Variants in PLA1A observed in about 807,000 individuals in gnomAD.
PLA1A encodes phospholipase A1 member A.
Under a neutral mutation model 49.4 loss-of-function variants are expected in PLA1A, and 47 were observed. The observed-to-expected ratio is 0.95, with a 90% CI of 0.75 to 1.21. The LOEUF is 1.21. PLA1A is among the 50% of genes most tolerant of loss of function. The probability of loss-of-function intolerance (pLI) is 0.00; values close to 1 mark genes in which losing one functional copy is unlikely to be tolerated. For synonymous variants in PLA1A, 224 were observed against 207.9 expected (o/e 1.08, Z -0.67); for missense variants, 561 against 563.9 (o/e 0.99, Z 0.05).
At chr3:119,625,948 C>T (rs547914522) in intron 9 of PLA1A, among the ~76,000 whole-genome samples, 8 of 151,966 alleles carry the variant, frequency 5.3e-5, no homozygotes, top group South Asian at 2.1e-4. Context: ...CACAAGCCAG[C>T]GGGAGACAGA....
intron 1 of PLA1A, chr3:119,600,434 T>C: frequency 1.4e-6 from 1 of 702,750 alleles, no homozygotes; most frequent in East Asian, 2.7e-5. Flanking sequence ...GTTCTCTCAG[T>C]ACCTATGTTT....
intron 4 of PLA1A, among the ~76,000 whole-genome samples, chr3:119,610,313 G>T (rs966149601): frequency 6.6e-6 from 1 of 152,086 alleles, no homozygotes; most frequent in Non-Finnish European, 1.5e-5. Context: ...TTTGGTAGAA[G>T]AATTTCTTTT....
intron 8 of PLA1A, among the ~76,000 whole-genome samples, chr3:119,622,175 A>AAGAAGAAGAAGG (rs1560086961): frequency 1.9e-5 from 2 of 106,902 alleles, no homozygotes; most frequent in Non-Finnish European, 2.2e-5. Flanking sequence ...GAAGAAGAAG[A>AAGAAGAAGAAGG]AGAAGAAGAA....
chr3:119,609,543 C>A lies in PLA1A; in HGVS notation c.529C>A (p.Gln177Lys). 1 of 1,610,528 alleles carries A rather than the reference C, an allele frequency of 6.2e-7. No individual in the cohort carries two copies. Among genetic ancestry groups the A allele is most frequent in the Non-Finnish European group, 8.5e-7 (1 of 1,176,806 alleles). Residue 177 changes from glutamine to lysine, a missense_variant, in exon 4 of 11, where the codon CAG (glutamine) becomes AAG (lysine). Coordinates refer to ENST00000273371, the MANE Select transcript of PLA1A (RefSeq NM_015900.4). ...LGAHVGGMVGQLFGGQLGQIT... is the reference protein window; with the variant it reads ...LGAHVGGMVGKLFGGQLGQIT... The stretch of plus-strand genomic sequence containing the variant: ...GGCCCACGTTGGGGGCATGGTGGGA[C>A]AGCTCTTCGGAGGCCAGCTGGGACA...
chr3:119,609,845 T>G (rs535033350), intron 4 of PLA1A, among the ~76,000 whole-genome samples: 1 of 152,354 alleles, frequency 6.6e-6, no homozygotes, highest in East Asian at 1.9e-4. Context: ...AACTTTTAGA[T>G]TCAGGATTTA....
In PLA1A at chr3:119,616,025, G is replaced by A; in HGVS notation, c.678G>A (p.Arg226=). The A allele has an allele frequency of 6.2e-7, 1 of 1,611,910 alleles. No homozygotes were observed. ...GCCTCCTTTCAGATTTGGGTATTCG[G>A]ATTCCCGTTGGACATGTGGACTACT... ...IHTDTDNLGI[R]IPVGHVDYFV... is the part of the protein sequence containing the mutation. The change falls in exon 6 of 11, where the codon CGG becomes CGA. Residue 226 remains arginine (R), a synonymous_variant. Coordinates refer to ENST00000273371, the MANE Select transcript of PLA1A (RefSeq NM_015900.4).
intron 4 of PLA1A, among the ~76,000 whole-genome samples, chr3:119,610,632 T>TCCTTCAC (rs2082752702): frequency 6.6e-6 from 1 of 152,232 alleles, no homozygotes; most frequent in Non-Finnish European, 1.5e-5. Flanking sequence ...TCTTTTCATG[T>TCCTTCAC]CCTTCACCCT....
chr3:119,598,096 T>C (rs2082565807), intron 1 of PLA1A, 110 bp downstream of exon 1: 1 of 600,724 alleles, frequency 1.7e-6, no homozygotes, highest in South Asian at 2.4e-5. Context: ...GCCTTTTGCC[T>C]CTTCTGAGGT....
chr3:119,623,717 CT>C (rs35309675), intron 8 of PLA1A, among the ~76,000 whole-genome samples: 28,129 of 100,132 alleles, frequency 0.28, 2,316 homozygotes, highest in East Asian at 0.35. Flanking sequence ...TTCTCTCTTT[CT>C]TTTTTTTTTT....
rs150630894 is a variant in PLA1A, at chr3:119,625,408, G to T, written c.1121+176G>T. Among the ~76,000 whole-genome samples, 26 of 152,320 alleles carry T rather than the reference G, an allele frequency of 1.7e-4. No homozygotes were observed. In the East Asian group the frequency reaches 5.0e-3, roughly 29 times the overall value. On this transcript the variant is annotated intron_variant, in intron 9 of 10. Coordinates refer to ENST00000273371, the MANE Select transcript of PLA1A (RefSeq NM_015900.4). ...AGCCACAGACACATGCTGAGGAGCTGTTCAGTAGTGGGTCCAAGTATAGCA... is the reference window on the plus strand; with the variant it reads ...AGCCACAGACACATGCTGAGGAGCTTTTCAGTAGTGGGTCCAAGTATAGCA...
Position 119,629,499 on chromosome 3 carries a change from T to TTA in PLA1A, c.*32_*33insAT. The TTA allele has an allele frequency of 2.2e-6, 1 of 448,578 alleles. No individual in the cohort carries two copies. Among genetic ancestry groups the TTA allele is most frequent in the Non-Finnish European group, 3.4e-6 (1 of 295,390 alleles). 27.8% of individuals were successfully genotyped at this position (448,578 alleles called of 1,614,324 possible). On this transcript the variant is annotated 3_prime_UTR_variant, in exon 11 of 11. Coordinates refer to ENST00000273371, the MANE Select transcript of PLA1A (RefSeq NM_015900.4). ...CCTGGGCAGGACACATCTCCCTGCATTTTTTTTTTTTTTTTGAGAGAGAGG... is the reference window on the plus strand; with the variant it reads ...CCTGGGCAGGACACATCTCCCTGCATTATTTTTTTTTTTTTTTGAGAGAGAGG...
At chr3:119,600,185 G>T (rs185731956) in intron 1 of PLA1A, 32 of 565,028 alleles carry the variant, frequency 5.7e-5, no homozygotes, top group Middle Eastern at 4.7e-4. Context: ...CACAAGGGCA[G>T]TAGCTGACCC....
intron 1 of PLA1A, chr3:119,600,299 GGAGCTTTAGATTGTT>G: frequency 1.5e-6 from 1 of 688,140 alleles, no homozygotes; most frequent in Non-Finnish European, 2.6e-6. Flanking sequence ...CTTGGACTGT[GGAGCTTTAGATTGTT>G]GAGCTCCTTG....
chr3:119,612,257 G>T (rs1387492923), intron 4 of PLA1A, among the ~76,000 whole-genome samples: 2 of 152,122 alleles, frequency 1.3e-5, no homozygotes, highest in Non-Finnish European at 2.9e-5. Flanking sequence ...AACTCTTGTG[G>T]CAGGGTCTGC....
intron 8 of PLA1A, among the ~76,000 whole-genome samples, chr3:119,621,088 T>A (rs1192913465): frequency 6.6e-6 from 1 of 152,162 alleles, no homozygotes; most frequent in Non-Finnish European, 1.5e-5. Context: ...GTGGAGGTGG[T>A]GTTGCCAGGA....
chr3:119,619,862 A>G (rs2082905140), intron 8 of PLA1A, among the ~76,000 whole-genome samples: 1 of 152,208 alleles, frequency 6.6e-6, no homozygotes, highest in Non-Finnish European at 1.5e-5. Flanking sequence ...CTGTCTATCT[A>G]CTGATCGTAT....
intron 5 of PLA1A, among the ~76,000 whole-genome samples, chr3:119,615,046 G>C (rs150012801): frequency 6.6e-6 from 1 of 152,328 alleles, no homozygotes; most frequent in Non-Finnish European, 1.5e-5. Context: ...GGCTGCATGT[G>C]GGGTATGAGG....
chr3:119,602,672 C>G (rs1438079049), intron 1 of PLA1A, among the ~76,000 whole-genome samples: 1 of 152,078 alleles, frequency 6.6e-6, no homozygotes, highest in Non-Finnish European at 1.5e-5. Context: ...AAAATCCCTG[C>G]TTTGTTCAAA....
At chr3:119,607,608 G>C (rs760415932) in intron 2 of PLA1A, among the ~76,000 whole-genome samples, 3 of 152,192 alleles carry the variant, frequency 2.0e-5, no homozygotes, top group East Asian at 1.9e-4. Context: ...AGACACAAAG[G>C]CTGTGCACAA....
Sources: allele counts gnomAD v4.1 joint callset (sites outside exome capture counted in the v4.1 genomes callset), GRCh38; gene constraint gnomAD v4.1.1; transcripts MANE v1.5; gene names NCBI Gene and HGNC (gene_info 2026-07-23, HGNC 2026-07-21).